DLG2: variants seen among roughly 807,000 people sequenced by gnomAD.
DLG2 encodes disks large homolog 2.
Under a neutral mutation model 132.5 loss-of-function variants are expected in DLG2, and 45 were observed. The observed-to-expected ratio is 0.34, with a 90% CI of 0.27 to 0.44. The LOEUF (loss-of-function observed/expected upper bound fraction) is 0.44, where lower values mean the gene tolerates loss of function less well. Among genes scored for constraint, DLG2 ranks in the 20% least tolerant of loss-of-function variants. The pLI is 1.00. For synonymous variants in DLG2, 424 were observed against 419.6 expected, an observed-to-expected ratio of 1.01 and a Z score of -0.13; for missense variants, 1,045 against 1,196.9, an observed-to-expected ratio of 0.87 and a Z score of 1.87.
At chr11:84,492,541 A>G (rs981787355) in intron 7 of DLG2, among the ~76,000 whole-genome samples, 2 of 152,170 alleles carry the variant, frequency 1.3e-5, no homozygotes, top group Admixed American at 6.6e-5. Flanking sequence ...TACACAATAT[A>G]TTTAGCTTCT....
intron 18 of DLG2, among the ~76,000 whole-genome samples, chr11:83,651,215 A>G (rs2070270258): frequency 6.6e-6 from 1 of 152,260 alleles, no homozygotes; most frequent in East Asian, 1.9e-4. Context: ...GAATAAGAAA[A>G]CTGAGTTTAG....
intron 3 of DLG2, among the ~76,000 whole-genome samples, chr11:85,410,048 A>T (rs2152978039): frequency 6.6e-6 from 1 of 152,004 alleles, no homozygotes; most frequent in South Asian, 2.1e-4. Flanking sequence ...GCATACTAGA[A>T]TCTTTTATTG....
chr11:84,746,339 C>T (rs892283507), intron 6 of DLG2, among the ~76,000 whole-genome samples: 1 of 150,314 alleles, frequency 6.7e-6, no homozygotes, highest in South Asian at 2.1e-4. Flanking sequence ...TTCTTTACTA[C>T]TGAATAAAGG....
At chr11:84,585,662 CT>C (rs1312619293) in intron 6 of DLG2, among the ~76,000 whole-genome samples, 2 of 152,122 alleles carry the variant, frequency 1.3e-5, no homozygotes, top group African/African-American at 4.8e-5. Context: ...TTTAAGTCTT[CT>C]TTGGTAAATT....
chr11:84,519,990 G>C (rs1201987671), intron 7 of DLG2, among the ~76,000 whole-genome samples: 1 of 152,122 alleles, frequency 6.6e-6, no homozygotes, highest in African/African-American at 2.4e-5. Flanking sequence ...AGTAATTTAT[G>C]TGTGGAAAAA....
chr11:83,791,154 G>A (rs2041445039), intron 17 of DLG2: 11 of 644,056 alleles, frequency 1.7e-5, no homozygotes, highest in South Asian at 3.8e-5. Flanking sequence ...TTTGTGGGTC[G>A]AAGAGGCCAT....
chr11:85,050,118 TCACACACA>T lies in DLG2; in HGVS notation c.357+61535_357+61542del, dbSNP rs33991615. Among the ~76,000 whole-genome samples, 10 of 136,818 alleles carry T rather than the reference TCACACACA, an allele frequency of 7.3e-5. No individual in the cohort carries two copies. In the South Asian group the frequency reaches 1.0e-3, roughly 14 times the overall value. 89.8% of individuals were successfully genotyped at this position (136,818 alleles called of 152,430 possible). ...GGAAGAGAACTGACCCACTGTGTCATCACACACACACACACACACACACACACACACAC... is the reference window on the plus strand; with the variant it reads ...GGAAGAGAACTGACCCACTGTGTCATCACACACACACACACACACACACAC... On this transcript the variant is annotated intron_variant, in intron 6 of 27. Transcript: ENST00000376104.
chr11:83,997,513 T>C (rs2094106622), intron 11 of DLG2, among the ~76,000 whole-genome samples: 1 of 151,832 alleles, frequency 6.6e-6, no homozygotes, highest in African/African-American at 2.4e-5. Flanking sequence ...GGTAGGCAGA[T>C]CACTTGGGGT....
intron 6 of DLG2, among the ~76,000 whole-genome samples, chr11:84,796,075 T>C (rs940560355): frequency 8.7e-4 from 132 of 152,260 alleles, no homozygotes; most frequent in African/African-American, 2.8e-3. Context: ...CAAGCAAAAC[T>C]TGGGCAAAGG....
rs926468794 is a variant in DLG2, at chr11:83,607,022, T to C, written c.1940+26189A>G. Among the ~76,000 whole-genome samples, 4 of 152,252 alleles carry C rather than the reference T, an allele frequency of 2.6e-5. No individual in the cohort carries two copies. In the South Asian group the frequency reaches 6.2e-4, roughly 24 times the overall value. On this transcript the variant is annotated intron_variant, in intron 19 of 27. Transcript: ENST00000376104. ...ACGATTCGCAAATCGGGCAGCCTCCTGAGACACAGCGGGCTCAGAGACTCT... is the reference window on the plus strand; with the variant it reads ...ACGATTCGCAAATCGGGCAGCCTCCCGAGACACAGCGGGCTCAGAGACTCT...
At chr11:83,594,672 TG>T (rs969927420) in intron 19 of DLG2, among the ~76,000 whole-genome samples, 1 of 152,096 alleles carries the variant, frequency 6.6e-6, no homozygotes, top group African/African-American at 2.4e-5. Context: ...ATAAATTGGA[TG>T]GGAAGGAAGG....
Position 84,302,033 on chromosome 11 carries a change from T to C in DLG2, c.520-50742A>G, listed in dbSNP as rs185084247. Among the ~76,000 whole-genome samples the C allele has an allele frequency of 2.3e-3, 344 of 152,214 alleles. 3 individuals carry two copies. The highest frequency in any genetic ancestry group is 8.1e-3 in the African/African-American group (337 of 41,528). On this transcript the variant is annotated intron_variant, in intron 7 of 27. Transcript: ENST00000376104. Reference sequence around the variant, plus strand: ...CTATGCAGCCATAAAAAAGGATGAGTTCACATCCTTTGCAGGGACATGGAT... The same window carrying C: ...CTATGCAGCCATAAAAAAGGATGAGCTCACATCCTTTGCAGGGACATGGAT...
chr11:85,323,055 T>C (rs1007755708), intron 3 of DLG2, among the ~76,000 whole-genome samples: 6 of 152,366 alleles, frequency 3.9e-5, no homozygotes, highest in Admixed American at 3.9e-4. Flanking sequence ...TAATATGGCC[T>C]GCAAGGCCCC....
At chr11:83,938,539 A>C (rs929746823) in intron 14 of DLG2, among the ~76,000 whole-genome samples, 1 of 152,212 alleles carries the variant, frequency 6.6e-6, no homozygotes, top group African/African-American at 2.4e-5. Flanking sequence ...ACAATTTTAA[A>C]ATCCATAGTT....
At chr11:84,195,778 C>T (rs930681870) in intron 8 of DLG2, among the ~76,000 whole-genome samples, 3 of 152,200 alleles carry the variant, frequency 2.0e-5, no homozygotes, top group African/African-American at 4.8e-5. Flanking sequence ...GTTATATGCT[C>T]TTATGATGCC....
intron 6 of DLG2, among the ~76,000 whole-genome samples, chr11:85,061,276 T>G (rs1398259240): frequency 1.3e-5 from 2 of 151,866 alleles, no homozygotes; most frequent in Non-Finnish European, 2.9e-5. Flanking sequence ...GCTTTATTTT[T>G]TTAATTGAAA....
chr11:85,511,684 A>T (rs186271784), intron 3 of DLG2, among the ~76,000 whole-genome samples: 1 of 151,916 alleles, frequency 6.6e-6, no homozygotes, highest in East Asian at 1.9e-4. Context: ...TTCAAACACC[A>T]AATAAGGATT....
intron 9 of DLG2, among the ~76,000 whole-genome samples, chr11:84,125,321 C>G (rs2094125093): frequency 6.6e-6 from 1 of 152,076 alleles, no homozygotes; most frequent in African/African-American, 2.4e-5. Context: ...TTTTTGGTTA[C>G]CCATAGCTTT....
At chr11:83,854,214 T>A (rs186275571) in intron 16 of DLG2, among the ~76,000 whole-genome samples, 28 of 152,220 alleles carry the variant, frequency 1.8e-4, no homozygotes, top group Non-Finnish European at 2.4e-4. Context: ...AAAACTCTGA[T>A]GCAAGAAATC....
Sources: allele counts gnomAD v4.1 joint callset (sites outside exome capture counted in the v4.1 genomes callset), GRCh38; gene constraint gnomAD v4.1.1; transcripts MANE v1.5; gene names NCBI Gene and HGNC (gene_info 2026-07-23, HGNC 2026-07-21).